The following NT5C1B variants were observed in gnomAD, a reference collection of about 807,000 sequenced individuals.
NT5C1B encodes the protein cytosolic 5'-nucleotidase 1B.
Under a neutral mutation model 57.8 loss-of-function variants are expected in NT5C1B, and 44 were observed. The observed-to-expected ratio is 0.76, with a 90% CI of 0.60 to 0.98. The LOEUF (loss-of-function observed/expected upper bound fraction) is 0.98. NT5C1B is among the 50% of genes least tolerant of loss of function. NT5C1B has a pLI of 0.00. For missense variants in NT5C1B, 742 were observed against 719.5 expected (o/e 1.03, Z -0.36); for synonymous variants, 284 against 282.6 (o/e 1.00, Z -0.05).
chr2:18,582,557 G>T (rs971553094), intron 6 of NT5C1B, among the ~76,000 whole-genome samples: 3 of 152,228 alleles, frequency 2.0e-5, no homozygotes, highest in African/African-American at 7.2e-5. Flanking sequence ...CCTTTGGGTT[G>T]ACGGCTTCTT....
rs746666603 is a variant in NT5C1B, at chr2:18,584,961, C to G, written c.276G>C (p.Thr92=). The G allele has an allele frequency of 1.3e-6, 2 of 1,542,440 alleles. No individual in the cohort carries two copies. The highest frequency in any genetic ancestry group is 1.2e-5 in the South Asian group (1 of 81,022). Residue 92 remains threonine (T), a synonymous_variant, in exon 4 of 9, where the codon ACG becomes ACC. Transcript: ENST00000304081. The surrounding 1 kb of genome is among the most constrained non-coding windows in gnomAD (Gnocchi z 5.8). ...GGGAGGTGGATGGAGTCCGGGAGCT[C>G]GTGGAGCTGCTGGGGAGCTGCAGCA...
At chr2:18,577,422 C>CAAA (rs371226394) in intron 6 of NT5C1B, among the ~76,000 whole-genome samples, 12 of 39,776 alleles carry the variant, frequency 3.0e-4, no homozygotes, top group East Asian at 8.4e-4. Context: ...GACTCTGTCT[C>CAAA]AAAAAAAAAA....
rs528456710 is a variant in NT5C1B, at chr2:18,571,710, G to C, written c.1329+4474C>G. Among the ~76,000 whole-genome samples, 842 of 89,186 alleles carry C rather than the reference G, an allele frequency of 9.4e-3. 7 individuals are homozygous for C. The highest frequency in any genetic ancestry group is 0.012 in the Non-Finnish European group (611 of 52,472). 58.5% of individuals were successfully genotyped at this position (89,186 alleles called of 152,430 possible). ...CTGTACTCTCTCTCTCTTTCTCTCT[G>C]TGTGTGTGTATATATATATATATAT... is the stretch of plus-strand genomic sequence containing the variant. On this transcript the variant is annotated intron_variant, in intron 8 of 8. Transcript: ENST00000304081.
In NT5C1B at chr2:18,565,174, C is replaced by T. The variant is rs565123687; in HGVS notation, c.1330-1055G>A. Reference sequence around the variant, plus strand: ...ACTGAAAATTCCAGCATACTTCTTCCGTAGACCTTCTTTCCCCATATTTTT... The same window carrying T: ...ACTGAAAATTCCAGCATACTTCTTCTGTAGACCTTCTTTCCCCATATTTTT... On this transcript the variant is annotated intron_variant, in intron 8 of 8. Transcript: ENST00000304081. 3.2e-4 allele frequency among the ~76,000 whole-genome samples: 49 copies of T among 152,170 alleles called. 1 individual carries two copies. The highest frequency in any genetic ancestry group is 3.9e-4 in the East Asian group (2 of 5,194).
chr2:18,564,492 C>T (rs1664461048), intron 8 of NT5C1B, among the ~76,000 whole-genome samples: 1 of 152,176 alleles, frequency 6.6e-6, no homozygotes, highest in Admixed American at 6.5e-5. Context: ...CAAAGCACTA[C>T]TCTTTTAATT....
At chr2:18,565,096 T>G (rs1486570715) in intron 8 of NT5C1B, among the ~76,000 whole-genome samples, 3 of 152,184 alleles carry the variant, frequency 2.0e-5, no homozygotes, top group Non-Finnish European at 4.4e-5. Context: ...TATTACATTT[T>G]GTTTTATTTC....
chr2:18,567,915 A>G (rs1472373853), intron 8 of NT5C1B, among the ~76,000 whole-genome samples: 1 of 152,190 alleles, frequency 6.6e-6, no homozygotes, highest in African/African-American at 2.4e-5. Context: ...TTGAAATGAA[A>G]AGAGTTGAAT....
chr2:18,578,357 C>T (rs1198363265), intron 6 of NT5C1B, among the ~76,000 whole-genome samples: 2 of 151,998 alleles, frequency 1.3e-5, no homozygotes, highest in African/African-American at 2.4e-5. Flanking sequence ...AACACAGATG[C>T]AAAAGTCCTC....
At chr2:18,574,225 A>T (rs758277738) in intron 8 of NT5C1B, among the ~76,000 whole-genome samples, 4 of 152,182 alleles carry the variant, frequency 2.6e-5, no homozygotes, top group Admixed American at 6.5e-5. Flanking sequence ...AAAGGTACTC[A>T]ACACATTAAT....
intron 8 of NT5C1B, among the ~76,000 whole-genome samples, chr2:18,565,027 T>C (rs1664518046): frequency 6.6e-6 from 1 of 152,196 alleles, no homozygotes. Flanking sequence ...GTCCTCTATT[T>C]CTTCTCCACC....
At chr2:18,589,568 A>G (rs1667011164) in exon 1 of NT5C1B, 2 of 1,552,586 alleles carry the variant, frequency 1.3e-6, no homozygotes, top group African/African-American at 1.4e-5. Flanking sequence ...TGCATTTAGA[A>G]TGTCAAATTT....
chr2:18,586,855 A>G, intron 2 of NT5C1B: 1 of 1,457,550 alleles, frequency 6.9e-7, no homozygotes, highest in Non-Finnish European at 9.2e-7. Context: ...TGGAGCCCTC[A>G]AGCTTTTCTT....
At position 18,587,298 on chromosome 2, in the gene NT5C1B, C is replaced by T. The variant is rs760821323; in HGVS notation, c.120+205G>A. On this transcript the variant is annotated intron_variant, in intron 2 of 8. Transcript: ENST00000304081. Reference sequence around the variant, plus strand: ...GGAGCCTGCTGTGGTTCCACACATTCGAAGTGAACACTAGGGTATGGATGG... The same window carrying T: ...GGAGCCTGCTGTGGTTCCACACATTTGAAGTGAACACTAGGGTATGGATGG... The T allele has an allele frequency of 4.1e-5, 60 of 1,480,790 alleles. No homozygotes were observed. In the South Asian group the frequency reaches 6.0e-4, roughly 15 times the overall value. 91.7% of individuals were successfully genotyped at this position (1,480,790 alleles called of 1,614,324 possible).
In NT5C1B at chr2:18,584,667, C is replaced by A. The variant is rs999896803; in HGVS notation, c.570G>T (p.Arg190Ser). 1 of 1,612,442 alleles carries A rather than the reference C, an allele frequency of 6.2e-7. No homozygotes were observed. Among genetic ancestry groups the A allele is most frequent in the Non-Finnish European group, 8.5e-7 (1 of 1,179,246 alleles). ...GCTGGGTGGAGGCGGGGTAGATCCCCCTGCGCTGGCTGGAGGACTTCCACT... is the reference window on the plus strand; with the variant it reads ...GCTGGGTGGAGGCGGGGTAGATCCCACTGCGCTGGCTGGAGGACTTCCACT... The change falls in exon 4 of 9, where the codon AGG (arginine) becomes AGT (serine). Residue 190 changes from arginine (R) to serine (S), a missense_variant. By Grantham distance (110) the Arg-to-Ser change is moderately radical. Transcript: ENST00000304081. This position sits in a 1 kb window ranked among gnomAD's most constrained non-coding sequence, Gnocchi z 5.8.
intron 2 of NT5C1B, chr2:18,586,924 G>A: frequency 6.2e-7 from 1 of 1,609,538 alleles, no homozygotes; most frequent in Non-Finnish European, 8.5e-7. Context: ...GTTTCTATTT[G>A]CCATATTCTT....
chr2:18,566,175 A>G (rs1206832800), intron 8 of NT5C1B, among the ~76,000 whole-genome samples: 2 of 152,026 alleles, frequency 1.3e-5, no homozygotes, highest in African/African-American at 2.4e-5. Flanking sequence ...TTCTCATAGT[A>G]TCTTTGAATG....
At chr2:18,569,148 A>G (rs1358508890) in intron 8 of NT5C1B, among the ~76,000 whole-genome samples, 1 of 152,192 alleles carries the variant, frequency 6.6e-6, no homozygotes, top group African/African-American at 2.4e-5. Flanking sequence ...TACAGTACAT[A>G]TGATGTTGTA....
chr2:18,587,384 C>T (rs531623748), intron 2 of NT5C1B, 119 bp downstream of exon 2: 60 of 1,518,148 alleles, frequency 4.0e-5, no homozygotes, highest in African/African-American at 3.2e-4. Context: ...ACATTAGGGA[C>T]GCCTTAATAC....
rs1367249766 is a variant in NT5C1B, at chr2:18,584,751, C to T, written c.486G>A (p.Arg162=). ...GCGAGTCCCGGGTCTGGCGGATTTC[C>T]CGCACGATGCCTTGGGCCCAGGCCT... The change falls in exon 4 of 9, where the codon CGG becomes CGA. Residue 162 remains arginine (R), a synonymous_variant. Coordinates refer to ENST00000304081, the Ensembl canonical transcript of NT5C1B. The surrounding 1 kb of genome is among the most constrained non-coding windows in gnomAD (Gnocchi z 5.8). The T allele has an allele frequency of 1.2e-6, 2 of 1,613,548 alleles. No individual in the cohort carries two copies. The highest frequency in any genetic ancestry group is 2.2e-5 in the East Asian group (1 of 44,848).
Sources: gnomAD v4.1 joint callset for allele counts (sites outside exome capture counted in the v4.1 genomes callset) on GRCh38, gnomAD v4.1.1 for gene constraint, Gnocchi (gnomAD v3.1) non-coding constraint, MANE v1.5 for transcripts, NCBI Gene and HGNC (gene_info 2026-07-23, HGNC 2026-07-21) for gene names.